The following HIPK2 variants were observed in gnomAD, a reference collection of about 807,000 sequenced individuals.
The protein encoded by HIPK2 is homeodomain interacting protein kinase 2.
HIPK2 carries 27 observed loss-of-function variants against 113.7 expected under a neutral mutation model. The ratio of observed to expected loss-of-function variants is 0.24; its 90% CI spans 0.17 to 0.33. The LOEUF is 0.33. HIPK2 is among the 10% of genes least tolerant of loss of function. The pLI, the probability that HIPK2 is intolerant of heterozygous loss-of-function variation, is 1.00. For synonymous variants in HIPK2, 631 were observed against 642.2 expected, an observed-to-expected ratio of 0.98 and a Z score of 0.26; for missense variants, 1,257 against 1,588.0, an observed-to-expected ratio of 0.79 and a Z score of 3.54.
At chr7:139,589,992 C>T (rs1190817476) in intron 12 of HIPK2, among the ~76,000 whole-genome samples, 2 of 152,176 alleles carry the variant, frequency 1.3e-5, no homozygotes, top group African/African-American at 2.4e-5. Flanking sequence ...GAAAGCTCTG[C>T]GCTCTACCTG....
At chr7:139,695,678 G>A (rs1794541683) in intron 2 of HIPK2, among the ~76,000 whole-genome samples, 2 of 151,900 alleles carry the variant, frequency 1.3e-5, no homozygotes, top group Non-Finnish European at 2.9e-5. Context: ...ACACACTCAA[G>A]ATGAAAATTT....
intron 1 of HIPK2, among the ~76,000 whole-genome samples, chr7:139,752,602 C>T (rs1255164025): frequency 6.6e-6 from 1 of 151,980 alleles, no homozygotes; most frequent in Non-Finnish European, 1.5e-5. Context: ...CTCAGTCCTC[C>T]TATCTTTAGA....
chr7:139,667,208 T>C (rs1323789305), intron 2 of HIPK2, among the ~76,000 whole-genome samples: 1 of 152,248 alleles, frequency 6.6e-6, no homozygotes, highest in African/African-American at 2.4e-5. Context: ...TAGTTACCCT[T>C]GCATAGTTTT....
intron 9 of HIPK2, among the ~76,000 whole-genome samples, chr7:139,608,720 A>T (rs922219307): frequency 1.3e-5 from 2 of 152,144 alleles, no homozygotes; most frequent in Non-Finnish European, 2.9e-5. Flanking sequence ...TGGCATGAAC[A>T]AGTCTTCCTT....
chr7:139,626,501 T>G (rs1262442728), intron 6 of HIPK2, 100 bp downstream of exon 6: 2 of 1,266,300 alleles, frequency 1.6e-6, no homozygotes, highest in Non-Finnish European at 2.2e-6. Flanking sequence ...AGCTGAGTAG[T>G]TGTTACCAAG....
intron 2 of HIPK2, among the ~76,000 whole-genome samples, chr7:139,672,964 C>T (rs998607723): frequency 1.3e-5 from 2 of 152,162 alleles, no homozygotes; most frequent in South Asian, 2.1e-4. Flanking sequence ...AAAAGTAATG[C>T]GAGCTGGAAC....
intron 1 of HIPK2, among the ~76,000 whole-genome samples, chr7:139,725,988 T>C (rs1235344859): frequency 6.6e-6 from 1 of 152,046 alleles, no homozygotes; most frequent in Non-Finnish European, 1.5e-5. Context: ...GGCTGATAAG[T>C]GAAGGAAGAC....
intron 6 of HIPK2, among the ~76,000 whole-genome samples, chr7:139,624,553 C>A (rs1321113109): frequency 6.6e-6 from 1 of 152,230 alleles, no homozygotes; most frequent in East Asian, 1.9e-4. Context: ...CCAGAAACTA[C>A]AAGTTTAAGC....
rs180913068 is a variant in HIPK2, at chr7:139,563,997, T to G, written c.*8930A>C. 2.5e-3 allele frequency: 1,002 copies of G among 398,558 alleles called. 15 individuals are homozygous for G. The highest frequency in any genetic ancestry group is 6.4e-4 in the South Asian group (5 of 7,838). 24.7% of individuals were successfully genotyped at this position (398,558 alleles called of 1,614,324 possible). On this transcript the variant is annotated 3_prime_UTR_variant, in exon 15 of 15. Coordinates refer to ENST00000406875, the MANE Select transcript of HIPK2 (RefSeq NM_022740.5). ...GGCCCATTCCTGTCTCGAAGCATCT[T>G]CTTGTTCCAAATATGATGTCTGTTT...
chr7:139,724,381 A>G (rs552275676), intron 1 of HIPK2, among the ~76,000 whole-genome samples: 1 of 152,294 alleles, frequency 6.6e-6, no homozygotes, highest in African/African-American at 2.4e-5. Flanking sequence ...TAAATGATAC[A>G]TTTCCAAAAC....
chr7:139,740,376 A>G (rs1023494238), intron 1 of HIPK2, among the ~76,000 whole-genome samples: 15 of 152,238 alleles, frequency 9.9e-5, no homozygotes, highest in African/African-American at 3.6e-4. Context: ...GAGGGTTGGC[A>G]CAATGCATGC....
At chr7:139,623,018 C>T (rs1043352212) in intron 6 of HIPK2, among the ~76,000 whole-genome samples, 1 of 152,170 alleles carries the variant, frequency 6.6e-6, no homozygotes, top group South Asian at 2.1e-4. Context: ...TTGGTGCAGA[C>T]GGCTAAGAGG....
At chr7:139,769,784 G>A (rs1174201087) in intron 1 of HIPK2, among the ~76,000 whole-genome samples, 1 of 152,178 alleles carries the variant, frequency 6.6e-6, no homozygotes, top group Non-Finnish European at 1.5e-5. Context: ...GTACATCACT[G>A]TAACAAGCAA....
intron 2 of HIPK2, among the ~76,000 whole-genome samples, chr7:139,704,830 G>A (rs997544102): frequency 3.3e-5 from 5 of 152,132 alleles, no homozygotes; most frequent in East Asian, 1.9e-4. Flanking sequence ...GCACTCCACC[G>A]TCGGACTACA....
intron 14 of HIPK2, 66 bp from the exon 15 acceptor site, chr7:139,573,463 G>T: frequency 7.0e-7 from 1 of 1,431,026 alleles, no homozygotes; most frequent in Non-Finnish European, 9.6e-7. Flanking sequence ...AATGGGAGGA[G>T]GGGCAGGAGG....
intron 6 of HIPK2, among the ~76,000 whole-genome samples, chr7:139,621,145 T>C (rs1178340276): frequency 2.0e-5 from 3 of 152,234 alleles, no homozygotes; most frequent in Admixed American, 6.5e-5. Context: ...TAATAATTAA[T>C]AATAGTGGTT....
At chr7:139,721,188 C>CTGTA (rs1385365021) in intron 1 of HIPK2, among the ~76,000 whole-genome samples, 4 of 152,158 alleles carry the variant, frequency 2.6e-5, no homozygotes, top group African/African-American at 9.7e-5. Context: ...TACCTTTGTT[C>CTGTA]TGTAGCAGAG....
In HIPK2 at chr7:139,613,061, T is replaced by C. The variant is rs1014017179; in HGVS notation, c.2112+141A>G. 1 of 995,964 alleles carries C rather than the reference T, an allele frequency of 1.0e-6. No individual in the cohort carries two copies. Among genetic ancestry groups the C allele is most frequent in the African/African-American group, 1.6e-5 (1 of 61,072 alleles). 61.7% of individuals were successfully genotyped at this position (995,964 alleles called of 1,614,324 possible). A position where few individuals can be genotyped will look rare whatever the true frequency, so the allele number is the denominator to read the frequency against. On this transcript the variant is annotated intron_variant, in intron 9 of 14. Transcript: ENST00000406875. The surrounding 1 kb of genome is among the most constrained non-coding windows in gnomAD (Gnocchi z 4.2). ...GAAGGTAATTCACTTGGGGACCATTTAGAATATTACAGATACATTCCAATG... is the reference window on the plus strand; with the variant it reads ...GAAGGTAATTCACTTGGGGACCATTCAGAATATTACAGATACATTCCAATG...
intron 1 of HIPK2, among the ~76,000 whole-genome samples, chr7:139,751,582 G>GGATGGATA (rs997276182): frequency 6.9e-6 from 1 of 145,768 alleles, no homozygotes; most frequent in Non-Finnish European, 1.5e-5. Context: ...ATGGATGGTT[G>GGATGGATA]GATGGATAGA....
Sources: allele counts gnomAD v4.1 joint callset (sites outside exome capture counted in the v4.1 genomes callset), GRCh38; gene constraint gnomAD v4.1.1; non-coding constraint Gnocchi (gnomAD v3.1); transcripts MANE v1.5; gene names NCBI Gene and HGNC (gene_info 2026-07-23, HGNC 2026-07-21).